The following CTNND2 variants were observed in gnomAD, a reference collection of about 807,000 sequenced individuals.
CTNND2 encodes catenin delta 2.
Under a neutral mutation model 144.4 loss-of-function variants are expected in CTNND2, and 22 were observed. The observed-to-expected ratio is 0.15, with a 90% CI of 0.11 to 0.22. The LOEUF is 0.22. CTNND2 is among the 10% of genes least tolerant of loss of function. The pLI, the probability that CTNND2 is intolerant of heterozygous loss-of-function variation, is 1.00. For synonymous variants in CTNND2, 751 were observed against 695.6 expected (o/e 1.08, Z -1.25); for missense variants, 1,353 against 1,618.8 (o/e 0.84, Z 2.82).
intron 1 of CTNND2, among the ~76,000 whole-genome samples, chr5:11,760,644 G>A (rs1789205641): frequency 6.6e-6 from 1 of 152,076 alleles, no homozygotes; most frequent in African/African-American, 2.4e-5. Context: ...TCCTCCTAGA[G>A]GAAGGAAGGA....
chr5:11,700,468 T>C (rs1484284506), intron 2 of CTNND2, among the ~76,000 whole-genome samples: 1 of 152,140 alleles, frequency 6.6e-6, no homozygotes, highest in Non-Finnish European at 1.5e-5. Flanking sequence ...GAGCTTACAA[T>C]TTGCTGTGGG....
At chr5:11,364,612 C>T in intron 8 of CTNND2, 84 bp downstream of exon 8, 1 of 1,127,166 alleles carries the variant, frequency 8.9e-7, no homozygotes, top group South Asian at 1.7e-5. Flanking sequence ...AGACACACAC[C>T]TTTCATTTGG....
At chr5:11,712,800 A>T (rs1786107364) in intron 2 of CTNND2, among the ~76,000 whole-genome samples, 1 of 152,238 alleles carries the variant, frequency 6.6e-6, no homozygotes, top group African/African-American at 2.4e-5. Context: ...TAATAGCTTA[A>T]AATGAGTTTA....
At chr5:11,341,230 G>C (rs963023824) in intron 9 of CTNND2, among the ~76,000 whole-genome samples, 12 of 152,140 alleles carry the variant, frequency 7.9e-5, no homozygotes, top group African/African-American at 2.9e-4. Flanking sequence ...ATTCTCAAAC[G>C]ATTTCAAAGG....
chr5:11,197,951 G>A (rs569871372), intron 11 of CTNND2, among the ~76,000 whole-genome samples: 10 of 152,228 alleles, frequency 6.6e-5, no homozygotes, highest in East Asian at 1.9e-4. Context: ...GAATCCATAC[G>A]GTGTACACAG....
At chr5:11,692,853 C>T (rs1003530370) in intron 2 of CTNND2, among the ~76,000 whole-genome samples, 20 of 152,212 alleles carry the variant, frequency 1.3e-4, no homozygotes, top group Non-Finnish European at 1.9e-4. Flanking sequence ...CTGCCGGCCT[C>T]GGCCTCCTAA....
At chr5:11,730,551 A>G (rs1581789227) in intron 2 of CTNND2, among the ~76,000 whole-genome samples, 1 of 152,282 alleles carries the variant, frequency 6.6e-6, no homozygotes, top group East Asian at 1.9e-4. Context: ...GGTAAGATAA[A>G]ATCTCTCAAA....
intron 3 of CTNND2, among the ~76,000 whole-genome samples, chr5:11,497,516 G>C (rs2115265): frequency 0.033 from 2,124 of 63,440 alleles, 298 homozygotes; most frequent in African/African-American, 0.15. Context: ...ATGTGCGGGG[G>C]GGTGGGGGGG....
intron 20 of CTNND2, among the ~76,000 whole-genome samples, chr5:10,984,725 C>A (rs1442789678): frequency 6.6e-6 from 1 of 152,132 alleles, no homozygotes; most frequent in Admixed American, 6.5e-5. Flanking sequence ...TTCTAACAGC[C>A]CCCAAATACC....
intron 1 of CTNND2, among the ~76,000 whole-genome samples, chr5:11,816,506 G>GA (rs1432587167): frequency 2.7e-5 from 4 of 150,568 alleles, no homozygotes; most frequent in African/African-American, 9.8e-5. Context: ...AGCATCTGGG[G>GA]TGCCTGTGGT....
chr5:11,374,937 C>CA (rs1757794260), intron 7 of CTNND2, among the ~76,000 whole-genome samples: 1 of 151,822 alleles, frequency 6.6e-6, no homozygotes, highest in Non-Finnish European at 1.5e-5. Flanking sequence ...TGGCTTCTGC[C>CA]CATCAAAGGG....
At chr5:11,745,317 T>C (rs1788248462) in intron 1 of CTNND2, among the ~76,000 whole-genome samples, 1 of 152,138 alleles carries the variant, frequency 6.6e-6, no homozygotes, top group Admixed American at 6.5e-5. Flanking sequence ...CGTGGGATAC[T>C]ATATTATTAT....
intron 18 of CTNND2, among the ~76,000 whole-genome samples, chr5:11,011,939 C>T (rs548595132): frequency 6.6e-5 from 10 of 152,004 alleles, no homozygotes; most frequent in Non-Finnish European, 1.2e-4. Context: ...AGTAGAGAGA[C>T]CAGGGGGAGA....
intron 1 of CTNND2, among the ~76,000 whole-genome samples, chr5:11,770,645 C>T (rs1209036562): frequency 6.6e-6 from 1 of 152,118 alleles, no homozygotes; most frequent in East Asian, 1.9e-4. Flanking sequence ...AATGTCTAGC[C>T]ATCTGAATTT....
chr5:11,046,317 G>C (rs852638), intron 16 of CTNND2, among the ~76,000 whole-genome samples: 1 of 152,058 alleles, frequency 6.6e-6, no homozygotes, highest in African/African-American at 2.4e-5. Flanking sequence ...AGATTGAGGC[G>C]ATGCTTCTAC....
chr5:11,353,837 T>C (rs1755594328), intron 8 of CTNND2, among the ~76,000 whole-genome samples: 1 of 152,164 alleles, frequency 6.6e-6, no homozygotes, highest in Non-Finnish European at 1.5e-5. Context: ...ATCATTTTCT[T>C]TGGCTTCTTC....
intron 18 of CTNND2, among the ~76,000 whole-genome samples, chr5:11,015,418 ACAT>A (rs901953817): frequency 6.6e-6 from 1 of 152,234 alleles, no homozygotes; most frequent in African/African-American, 2.4e-5. Flanking sequence ...TCCACTGAAA[ACAT>A]CACCATTCAT....
At chr5:11,759,302 G>C (rs914176843) in intron 1 of CTNND2, among the ~76,000 whole-genome samples, 1 of 151,786 alleles carries the variant, frequency 6.6e-6, no homozygotes, top group African/African-American at 2.4e-5. Context: ...ATGTTTAACT[G>C]TCTATTATGA....
chr5:11,821,324 C>T (rs540213376), intron 1 of CTNND2, among the ~76,000 whole-genome samples: 1 of 152,234 alleles, frequency 6.6e-6, no homozygotes, highest in South Asian at 2.1e-4. Context: ...CTTCGCTTCA[C>T]AACTTACTCT....
Sources: allele counts gnomAD v4.1 joint callset (sites outside exome capture counted in the v4.1 genomes callset), GRCh38; gene constraint gnomAD v4.1.1; transcripts MANE v1.5; gene names NCBI Gene and HGNC (gene_info 2026-07-23, HGNC 2026-07-21).